UBXN7: variants seen among roughly 807,000 people sequenced by gnomAD.
UBXN7 encodes the protein UBX domain protein 7.
A neutral mutation model predicts 58.0 loss-of-function variants in UBXN7; 9 were observed. The ratio of observed to expected loss-of-function variants is 0.16; its 90% CI spans 0.09 to 0.27. UBXN7 has a LOEUF of 0.27. Ranked by LOEUF, UBXN7 falls within the 10% of genes least tolerant of loss-of-function variation. UBXN7 has a pLI of 1.00. For synonymous variants in UBXN7, 208 were observed against 205.0 expected, an observed-to-expected ratio of 1.01 and a Z score of -0.12; for missense variants, 328 against 599.6, an observed-to-expected ratio of 0.55 and a Z score of 4.73.
intron 1 of UBXN7, among the ~76,000 whole-genome samples, chr3:196,424,963 A>C (rs1323295414): frequency 6.6e-6 from 1 of 152,010 alleles, no homozygotes; most frequent in Non-Finnish European, 1.5e-5. Context: ...CGGCCTCCCA[A>C]AGTGCTGGGA....
chr3:196,401,286 T>A (rs1478970002), intron 3 of UBXN7, among the ~76,000 whole-genome samples: 201 of 69,320 alleles, frequency 2.9e-3, no homozygotes, highest in African/African-American at 7.4e-3. Flanking sequence ...TATATATATA[T>A]ATATATATAT....
At chr3:196,406,070 T>C (rs1730152822) in intron 2 of UBXN7, among the ~76,000 whole-genome samples, 1 of 151,976 alleles carries the variant, frequency 6.6e-6, no homozygotes, top group African/African-American at 2.4e-5. Context: ...TCACTCTGTG[T>C]CATCCAGGTT....
chr3:196,353,466 A>G lies in UBXN7; in HGVS notation c.*3219T>C, dbSNP rs1387480299. ...AAAGTATTCCTCTCACTTTTTTCCC[A>G]CTAGTTTTCTTCTTCTTCTTCTTTT... On this transcript the variant is annotated 3_prime_UTR_variant, in exon 11 of 11. Coordinates refer to ENST00000296328, the MANE Select transcript of UBXN7 (RefSeq NM_015562.2). 1 of 148,114 alleles carries G rather than the reference A, an allele frequency of 6.8e-6. No individual in the cohort carries two copies. Among genetic ancestry groups the G allele is most frequent in the East Asian group, 2.0e-4 (1 of 5,098 alleles). 9.2% of individuals were successfully genotyped at this position (148,114 alleles called of 1,614,324 possible).
intron 3 of UBXN7, among the ~76,000 whole-genome samples, chr3:196,401,615 G>A (rs1342688193): frequency 6.7e-6 from 1 of 150,034 alleles, no homozygotes; most frequent in African/African-American, 2.4e-5. Context: ...CTGGTTGAGG[G>A]TGGAGGGCGA....
intron 5 of UBXN7, among the ~76,000 whole-genome samples, chr3:196,382,037 G>A (rs1729223760): frequency 6.6e-6 from 1 of 152,164 alleles, no homozygotes; most frequent in Admixed American, 6.5e-5. Context: ...AAGTGACGGG[G>A]AGAATGGAAC....
At chr3:196,392,032 A>G in intron 4 of UBXN7, 107 bp from the exon 5 acceptor site, 1 of 664,692 alleles carries the variant, frequency 1.5e-6, no homozygotes, top group African/African-American at 1.8e-5. Flanking sequence ...ATTGCTGTCA[A>G]TATGCTTGAC....
intron 2 of UBXN7, among the ~76,000 whole-genome samples, chr3:196,404,332 G>A (rs186996050): frequency 6.9e-6 from 1 of 144,586 alleles, no homozygotes; most frequent in Non-Finnish European, 1.5e-5. Context: ...GTATGATCTC[G>A]GCTCACTGCA....
intron 8 of UBXN7, among the ~76,000 whole-genome samples, chr3:196,363,223 CATACATACATACATACATACATACATAA>C (rs1392767452): frequency 2.5e-5 from 3 of 117,674 alleles, no homozygotes; most frequent in East Asian, 3.5e-4. Context: ...TACATACATA[CATACATACATACATACATACATACATAA>C]ATATATATAT....
At chr3:196,380,084 T>C (rs1729153457) in intron 5 of UBXN7, among the ~76,000 whole-genome samples, 1 of 151,880 alleles carries the variant, frequency 6.6e-6, no homozygotes, top group Non-Finnish European at 1.5e-5. Context: ...CACATCTCTA[T>C]TAAAAAATAC....
At chr3:196,367,011 C>T (rs1728690247) in intron 8 of UBXN7, among the ~76,000 whole-genome samples, 1 of 152,038 alleles carries the variant, frequency 6.6e-6, no homozygotes, top group Non-Finnish European at 1.5e-5. Context: ...GGCGAAACCC[C>T]ATCTCTACTA....
At chr3:196,404,209 G>GTTAAT (rs1730084055) in intron 2 of UBXN7, among the ~76,000 whole-genome samples, 1 of 150,196 alleles carries the variant, frequency 6.7e-6, no homozygotes, top group Non-Finnish European at 1.5e-5. Context: ...CTGCTTATAA[G>GTTAAT]TATTATTATA....
chr3:196,359,013 A>G (rs961021483), intron 10 of UBXN7, among the ~76,000 whole-genome samples: 3 of 151,950 alleles, frequency 2.0e-5, no homozygotes, highest in African/African-American at 7.3e-5. Flanking sequence ...ACTTACTCCA[A>G]TGAATTAGCT....
chr3:196,422,997 A>G (rs1177260231), intron 1 of UBXN7, among the ~76,000 whole-genome samples: 1 of 152,268 alleles, frequency 6.6e-6, no homozygotes, highest in Non-Finnish European at 1.5e-5. Flanking sequence ...AGCCAGACTC[A>G]AAAGGTTACA....
intron 8 of UBXN7, among the ~76,000 whole-genome samples, 187 bp from the exon 9 acceptor site, chr3:196,362,874 TA>T (rs1728542798): frequency 6.6e-6 from 1 of 152,070 alleles, no homozygotes; most frequent in Admixed American, 6.6e-5. Context: ...TATGTGTGTG[TA>T]TATACACACA....
chr3:196,362,181 A>G, intron 9 of UBXN7, 113 bp downstream of exon 9: 1 of 1,373,544 alleles, frequency 7.3e-7, no homozygotes, highest in Non-Finnish European at 9.9e-7. Flanking sequence ...TTTAGTAGAG[A>G]CAGGGTTTTG....
chr3:196,397,463 C>A (rs900981887), intron 3 of UBXN7: 2 of 152,330 alleles, frequency 1.3e-5, no homozygotes, highest in African/African-American at 4.8e-5. Context: ...TTTACTCTCA[C>A]GCAGACACGC....
chr3:196,401,292 TATATATACACACACACACAC>T (rs1171962075), intron 3 of UBXN7, among the ~76,000 whole-genome samples: 2 of 84,154 alleles, frequency 2.4e-5, no homozygotes, highest in South Asian at 3.6e-4. Flanking sequence ...TATATATATA[TATATATACACACACACACAC>T]ACACACACAT....
chr3:196,404,509 A>G (rs1730098849), intron 2 of UBXN7, among the ~76,000 whole-genome samples: 1 of 151,668 alleles, frequency 6.6e-6, no homozygotes, highest in Non-Finnish European at 1.5e-5. Context: ...TGATCCGCCC[A>G]CCTCGGCCTC....
chr3:196,404,090 A>C, intron 2 of UBXN7, among the ~76,000 whole-genome samples: 1 of 138,068 alleles, frequency 7.2e-6, no homozygotes. Context: ...TCTAAAAAAA[A>C]AAAGAAAAAG....
Sources: gnomAD v4.1 joint callset for allele counts (sites outside exome capture counted in the v4.1 genomes callset) on GRCh38, gnomAD v4.1.1 for gene constraint, MANE v1.5 for transcripts, NCBI Gene and HGNC (gene_info 2026-07-23, HGNC 2026-07-21) for gene names.